PHACTR1: variants seen among roughly 807,000 people sequenced by gnomAD.
The protein encoded by PHACTR1 is RPEL repeat containing 1.
A neutral mutation model predicts 69.2 loss-of-function variants in PHACTR1; 16 were observed. That is an observed-to-expected ratio of 0.23 (90% CI 0.16 to 0.35). PHACTR1 has a LOEUF of 0.35. PHACTR1 is among the 10% of genes least tolerant of loss of function. The pLI, the probability that PHACTR1 is intolerant of heterozygous loss-of-function variation, is 1.00. For missense variants in PHACTR1, 510 were observed against 734.7 expected (o/e 0.69, Z 3.54); for synonymous variants, 312 against 284.5 (o/e 1.10, Z -0.97).
intron 4 of PHACTR1, among the ~76,000 whole-genome samples, chr6:12,826,309 T>C (rs1035285462): frequency 2.0e-5 from 3 of 152,210 alleles, no homozygotes; most frequent in African/African-American, 7.2e-5. Flanking sequence ...AAATAAAGTA[T>C]TGGGCAAAGT....
intron 4 of PHACTR1, among the ~76,000 whole-genome samples, chr6:12,838,090 G>A (rs981675138): frequency 4.6e-5 from 7 of 152,180 alleles, no homozygotes; most frequent in African/African-American, 1.7e-4. Context: ...GTGGCAAGAG[G>A]CCACCCCAAC....
At position 13,085,267 on chromosome 6, in the gene PHACTR1, C is replaced by T. The variant is rs140926033; in HGVS notation, c.415+31738C>T. On this transcript the variant is annotated intron_variant, in intron 5 of 14. Coordinates refer to ENST00000332995, the MANE Select transcript of PHACTR1 (RefSeq NM_030948.6). ...TTACATGAAGAGTTCTCACTAAACT[C>T]CACTACTAAATCTTTTTGAAAATAA... 4.9e-3 allele frequency among the ~76,000 whole-genome samples: 749 copies of T among 151,932 alleles called. 5 individuals are homozygous for T. The highest frequency in any genetic ancestry group is 0.016 in the African/African-American group (663 of 41,522).
At chr6:13,280,968 G>A (rs1216818113) in intron 12 of PHACTR1, 7 of 1,289,270 alleles carry the variant, frequency 5.4e-6, no homozygotes, top group South Asian at 1.2e-5. Flanking sequence ...TGTTAGTGCT[G>A]GGGTCCGTGC....
intron 4 of PHACTR1, among the ~76,000 whole-genome samples, chr6:12,936,770 T>C (rs1470361866): frequency 6.6e-6 from 1 of 152,208 alleles, no homozygotes; most frequent in Non-Finnish European, 1.5e-5. Context: ...AGGCATGTAA[T>C]TTGCATTCAC....
chr6:12,753,961 TATATATATA>T (rs139918132), intron 4 of PHACTR1, among the ~76,000 whole-genome samples: 28 of 119,760 alleles, frequency 2.3e-4, no homozygotes, highest in African/African-American at 2.7e-4. Flanking sequence ...TATATATATA[TATATATATA>T]TTTTTTTTTT....
intron 4 of PHACTR1, among the ~76,000 whole-genome samples, chr6:12,868,883 C>T (rs1204086000): frequency 6.6e-6 from 1 of 152,052 alleles, no homozygotes; most frequent in African/African-American, 2.4e-5. Flanking sequence ...ATATAAGAAC[C>T]TCAATTCTGC....
chr6:12,857,741 G>T (rs1291347506), intron 4 of PHACTR1, among the ~76,000 whole-genome samples: 4 of 152,110 alleles, frequency 2.6e-5, no homozygotes, highest in Non-Finnish European at 5.9e-5. Context: ...CAAAGCCTTG[G>T]ACTGTACTTT....
chr6:13,278,390 T>TCCATGCCAAGAGCTGGGACAGGAGAG, intron 12 of PHACTR1, 61 bp downstream of exon 12: 1 of 1,487,324 alleles, frequency 6.7e-7, no homozygotes, highest in Non-Finnish European at 9.2e-7. Flanking sequence ...GCCACACCTC[T>TCCATGCCAAGAGCTGGGACAGGAGAG]GCCCTCTGCT....
At chr6:12,844,541 A>G (rs1401080378) in intron 4 of PHACTR1, among the ~76,000 whole-genome samples, 2 of 150,272 alleles carry the variant, frequency 1.3e-5, no homozygotes, top group African/African-American at 4.8e-5. Flanking sequence ...CTATGCGTAC[A>G]GGACACTGAG....
intron 8 of PHACTR1, among the ~76,000 whole-genome samples, chr6:13,218,044 TTC>T (rs1350578193): frequency 6.6e-6 from 1 of 152,240 alleles, no homozygotes; most frequent in Non-Finnish European, 1.5e-5. Flanking sequence ...ATAATAAATT[TTC>T]TCTGTCCTTT....
intron 8 of PHACTR1, among the ~76,000 whole-genome samples, chr6:13,206,900 C>G (rs1378729345): frequency 2.0e-5 from 3 of 151,880 alleles, no homozygotes; most frequent in African/African-American, 7.3e-5. Flanking sequence ...GTGCAGACTC[C>G]ACACAGACGA....
At chr6:13,138,934 G>A (rs924515982) in intron 5 of PHACTR1, among the ~76,000 whole-genome samples, 2 of 152,176 alleles carry the variant, frequency 1.3e-5, no homozygotes, top group South Asian at 2.1e-4. Context: ...GGAAGAGTTA[G>A]GACTTAGGGT....
chr6:12,906,993 G>A (rs1785806870), intron 4 of PHACTR1, among the ~76,000 whole-genome samples: 1 of 152,166 alleles, frequency 6.6e-6, no homozygotes, highest in Non-Finnish European at 1.5e-5. Context: ...CTAAGAGTTG[G>A]CCAATACTGG....
At chr6:13,236,629 G>A (rs1384614138) in intron 10 of PHACTR1, among the ~76,000 whole-genome samples, 1 of 152,010 alleles carries the variant, frequency 6.6e-6, no homozygotes. Flanking sequence ...TCTGTGTTCA[G>A]ATTTCCCCTT....
At chr6:12,890,036 TGG>T (rs1297050971) in intron 4 of PHACTR1, among the ~76,000 whole-genome samples, 2 of 151,996 alleles carry the variant, frequency 1.3e-5, no homozygotes, top group South Asian at 2.1e-4. Flanking sequence ...TGTTAGGAAG[TGG>T]GTGGGGCAGC....
At chr6:13,171,950 A>T (rs1299253479) in intron 6 of PHACTR1, among the ~76,000 whole-genome samples, 1 of 152,114 alleles carries the variant, frequency 6.6e-6, no homozygotes, top group Non-Finnish European at 1.5e-5. Context: ...TATTTTTTGT[A>T]GAGACGGGTT....
At chr6:13,278,122 A>G in intron 11 of PHACTR1, 146 bp from the exon 12 acceptor site, 1 of 677,210 alleles carries the variant, frequency 1.5e-6, no homozygotes, top group Non-Finnish European at 2.5e-6. Flanking sequence ...CCATAAGGAG[A>G]AGGGCAGCTG....
rs570936942 is a variant in PHACTR1 at position 13,086,863 on chromosome 6, T to C, written c.415+33334T>C. On this transcript the variant is annotated intron_variant, in intron 5 of 14. Coordinates refer to ENST00000332995, the MANE Select transcript of PHACTR1 (RefSeq NM_030948.6). ...ATAAGAAATTGTCATGCTGTGTTTG[T>C]ACCACTTTGCATTCCCATCAACAAG... Among the ~76,000 whole-genome samples the C allele has an allele frequency of 1.3e-4, 20 of 152,236 alleles. No individual in the cohort carries two copies. In the South Asian group the frequency reaches 3.9e-3, roughly 30 times the overall value.
chr6:12,815,819 C>G (rs1429734704), intron 4 of PHACTR1, among the ~76,000 whole-genome samples: 1 of 152,150 alleles, frequency 6.6e-6, no homozygotes, highest in Non-Finnish European at 1.5e-5. Flanking sequence ...AGTACCTTTC[C>G]ACAAGAAACT....
Sources: allele counts gnomAD v4.1 joint callset (sites outside exome capture counted in the v4.1 genomes callset), GRCh38; gene constraint gnomAD v4.1.1; transcripts MANE v1.5; gene names NCBI Gene and HGNC (gene_info 2026-07-23, HGNC 2026-07-21).